The following STARD13 variants were observed in gnomAD, a reference collection of about 807,000 sequenced individuals.
STARD13 encodes stAR-related lipid transfer protein 13.
In STARD13, 62 loss-of-function variants were observed where a neutral mutation model predicts 106.4. That is an observed-to-expected ratio of 0.58 (90% CI 0.48 to 0.72). The LOEUF is 0.72. Ranked by LOEUF, STARD13 falls within the 30% of genes least tolerant of loss-of-function variation. STARD13 has a pLI of 0.00. For synonymous variants in STARD13, 565 were observed against 553.0 expected, an observed-to-expected ratio of 1.02 and a Z score of -0.31; for missense variants, 1,387 against 1,424.0, an observed-to-expected ratio of 0.97 and a Z score of 0.42.
the STARD13 span, among the ~76,000 whole-genome samples, chr13:33,487,939 T>G: frequency 2.1e-3 from 325 of 152,300 alleles, no homozygotes; most frequent in Non-Finnish European, 3.5e-3. Context: ...ATTTGTGAGC[T>G]CCAAAGGTCT....
intron 1 of STARD13, among the ~76,000 whole-genome samples, chr13:33,259,409 C>G (rs1450512898): frequency 6.6e-6 from 1 of 152,128 alleles, no homozygotes; most frequent in Non-Finnish European, 1.5e-5. Flanking sequence ...AGGACCTCTT[C>G]AAAATGGGAC....
chr13:33,671,998 C>T, the STARD13 span, among the ~76,000 whole-genome samples: 1 of 152,056 alleles, frequency 6.6e-6, no homozygotes, highest in Non-Finnish European at 1.5e-5. Context: ...ACCATTTGAC[C>T]CAGCAATCCC....
the STARD13 span, among the ~76,000 whole-genome samples, chr13:33,585,894 G>T: frequency 1.3e-5 from 2 of 152,160 alleles, no homozygotes; most frequent in Admixed American, 1.3e-4. Flanking sequence ...GCAACTTTGT[G>T]TACAGAGAGA....
intron 3 of STARD13, among the ~76,000 whole-genome samples, chr13:33,157,682 C>G (rs773564525): frequency 2.0e-4 from 30 of 152,024 alleles, no homozygotes; most frequent in African/African-American, 4.8e-4. Context: ...AACAAACAAA[C>G]AAAGAAAGAA....
At chr13:33,159,447 T>C (rs1479628104) in intron 3 of STARD13, among the ~76,000 whole-genome samples, 2 of 152,180 alleles carry the variant, frequency 1.3e-5, no homozygotes, top group African/African-American at 4.8e-5. Context: ...ACCCACATGT[T>C]TGAGAGTCAA....
chr13:33,673,336 G>A, the STARD13 span, among the ~76,000 whole-genome samples: 1 of 151,998 alleles, frequency 6.6e-6, no homozygotes. Flanking sequence ...TCTGCTCATG[G>A]CCTACATTTG....
the STARD13 span, among the ~76,000 whole-genome samples, chr13:33,485,204 A>G: frequency 6.6e-6 from 1 of 152,252 alleles, no homozygotes; most frequent in African/African-American, 2.4e-5. Flanking sequence ...AATGTCAAAA[A>G]TAAGTAGACA....
chr13:33,372,940 G>GATTTGATT, the STARD13 span, among the ~76,000 whole-genome samples: 2 of 152,008 alleles, frequency 1.3e-5, no homozygotes, highest in Non-Finnish European at 2.9e-5. Flanking sequence ...ATTACATTAA[G>GATTTGATT]ACCAACAGGG....
chr13:33,112,636 T>TATCCATCC, intron 9 of STARD13, 85 bp downstream of exon 9: 2 of 1,082,912 alleles, frequency 1.8e-6, no homozygotes, highest in South Asian at 1.6e-5. Flanking sequence ...CGTATCTATC[T>TATCCATCC]ATCCATCCAT....
Position 33,110,872 on chromosome 13 carries a change from C to T in STARD13, c.2643G>A (p.Ser881=), listed in dbSNP as rs773042646. The T allele has an allele frequency of 8.1e-6, 13 of 1,613,606 alleles. No homozygotes were observed. The highest frequency in any genetic ancestry group is 1.1e-5 in the South Asian group (1 of 91,040). ...GCACGTGGATCTCAGCCTCCACATA[C>T]GAGTTACGAGACTGGGCCACCAACT... ...PHELVAQSRN[S]YVEAEIHVPT... is the part of the protein sequence containing the mutation. The change falls in exon 11 of 14, where the codon TCG becomes TCA. Residue 881 remains serine, a synonymous_variant. Transcript: ENST00000336934.
At chr13:33,553,030 TAAAC>T in the STARD13 span, among the ~76,000 whole-genome samples, 1 of 152,170 alleles carries the variant, frequency 6.6e-6, no homozygotes, top group Non-Finnish European at 1.5e-5. Context: ...AGTAGAAGAT[TAAAC>T]AAAATAAGAA....
At chr13:33,145,656 G>A (rs147055872) in intron 3 of STARD13, among the ~76,000 whole-genome samples, 2 of 152,214 alleles carry the variant, frequency 1.3e-5, no homozygotes, top group East Asian at 3.9e-4. Flanking sequence ...AAAAATTGTG[G>A]TATATCCATA....
chr13:33,436,944 C>T, the STARD13 span, among the ~76,000 whole-genome samples: 4 of 152,146 alleles, frequency 2.6e-5, no homozygotes, highest in Admixed American at 1.3e-4. Context: ...TCCTACTATA[C>T]GTCACATTCC....
At chr13:33,427,579 C>G in the STARD13 span, among the ~76,000 whole-genome samples, 1 of 152,138 alleles carries the variant, frequency 6.6e-6, no homozygotes, top group South Asian at 2.1e-4. Context: ...TCAAACCAAA[C>G]AACAACTTGT....
chr13:33,121,031 A>G (rs888584502), intron 7 of STARD13, among the ~76,000 whole-genome samples: 4 of 151,968 alleles, frequency 2.6e-5, no homozygotes, highest in East Asian at 1.9e-4. Flanking sequence ...GTGAGCCGCC[A>G]TGGCTGGCCT....
chr13:33,303,890 G>T (rs913264952), intron 1 of STARD13, among the ~76,000 whole-genome samples: 1 of 152,140 alleles, frequency 6.6e-6, no homozygotes, highest in Admixed American at 6.5e-5. Context: ...ACTCTTAGGA[G>T]ACTTCAAATT....
chr13:33,463,376 G>T, the STARD13 span, among the ~76,000 whole-genome samples: 2 of 152,190 alleles, frequency 1.3e-5, no homozygotes, highest in Non-Finnish European at 2.9e-5. Context: ...CTAGAAAAAG[G>T]TGATAACTTC....
At chr13:33,448,994 C>T in the STARD13 span, among the ~76,000 whole-genome samples, 3 of 151,618 alleles carry the variant, frequency 2.0e-5, no homozygotes, top group Non-Finnish European at 4.4e-5. Flanking sequence ...AACGCCTCAT[C>T]AGATGCATAG....
chr13:33,111,957 C>T (rs1874644519), intron 9 of STARD13, 65 bp from the exon 10 acceptor site: 1 of 1,027,656 alleles, frequency 9.7e-7, no homozygotes, highest in Non-Finnish European at 1.5e-6. Flanking sequence ...ATACCAAACT[C>T]ATCCCTTTTG....
Sources: gnomAD v4.1 joint callset for allele counts (sites outside exome capture counted in the v4.1 genomes callset) on GRCh38, gnomAD v4.1.1 for gene constraint, MANE v1.5 for transcripts, NCBI Gene and HGNC (gene_info 2026-07-23, HGNC 2026-07-21) for gene names.